Variants in MRTFB observed in about 807,000 individuals in gnomAD.
MRTFB encodes myocardin related transcription factor B.
MRTFB carries 29 observed loss-of-function variants against 104.2 expected under a neutral mutation model. The ratio of observed to expected loss-of-function variants is 0.28; its 90% CI spans 0.21 to 0.38. MRTFB has a LOEUF of 0.38. Among genes scored for constraint, MRTFB ranks in the 10% least tolerant of loss-of-function variants. MRTFB has a pLI of 1.00. For missense variants in MRTFB, 1,270 were observed against 1,341.6 expected, an observed-to-expected ratio of 0.95 and a Z score of 0.83; for synonymous variants, 535 against 519.5, an observed-to-expected ratio of 1.03 and a Z score of -0.41.
intron 4 of MRTFB, among the ~76,000 whole-genome samples, chr16:14,211,142 C>G (rs1205066797): frequency 6.6e-6 from 1 of 152,090 alleles, no homozygotes; most frequent in African/African-American, 2.4e-5. Context: ...AATGATTTTT[C>G]TCTTTAGTAG....
the MRTFB span, among the ~76,000 whole-genome samples, chr16:14,032,440 C>G: frequency 3.9e-5 from 6 of 152,216 alleles, no homozygotes; most frequent in Non-Finnish European, 8.8e-5. Flanking sequence ...CCATGCATCT[C>G]TTGCATTGAA....
the MRTFB span, among the ~76,000 whole-genome samples, chr16:14,010,579 G>A: frequency 6.6e-6 from 1 of 152,134 alleles, no homozygotes; most frequent in African/African-American, 2.4e-5. Flanking sequence ...GGGATTACAG[G>A]TGCGTGCCAC....
intron 3 of MRTFB, among the ~76,000 whole-genome samples, chr16:14,209,111 G>A (rs1029314061): frequency 2.0e-5 from 3 of 152,126 alleles, no homozygotes; most frequent in Admixed American, 6.5e-5. Flanking sequence ...TGCAGTCAGC[G>A]CAAGACCAAC....
At chr16:14,018,201 C>T in the MRTFB span, among the ~76,000 whole-genome samples, 1 of 152,136 alleles carries the variant, frequency 6.6e-6, no homozygotes, top group Non-Finnish European at 1.5e-5. Flanking sequence ...AGAATCCAAG[C>T]TCTGGAACTG....
chr16:14,079,724 G>A (rs2034280778), intron 2 of MRTFB, among the ~76,000 whole-genome samples: 1 of 151,456 alleles, frequency 6.6e-6, no homozygotes, highest in Non-Finnish European at 1.5e-5. Flanking sequence ...GCTACTTTTG[G>A]TGAGATACGA....
chr16:14,246,680 G>C lies in MRTFB; in HGVS notation c.1420G>C (p.Val474Leu). Residue 474 changes from valine (V) to leucine (L), a missense_variant, in exon 12 of 17, where the codon GTG becomes CTG. Physicochemically the swap from Val to Leu is conservative, Grantham distance 32. Coordinates refer to ENST00000571589, the MANE Select transcript of MRTFB (RefSeq NM_001308142.2). ...ALPVTTLHNT[V>L]TSSVSTLKAE... The stretch of plus-strand genomic sequence containing the variant: ...GCCGGTTACAACACTACACAACACT[G>C]TGACTAGCTCAGTCTCTACTCTCAA... The C allele has an allele frequency of 6.2e-7, 1 of 1,614,140 alleles. No homozygotes were observed.
intron 2 of MRTFB, among the ~76,000 whole-genome samples, chr16:14,095,650 A>G (rs1239782340): frequency 6.6e-6 from 1 of 152,232 alleles, no homozygotes; most frequent in Non-Finnish European, 1.5e-5. Context: ...TAAATACTGG[A>G]AATGAAATGG....
chr16:14,222,302 A>G (rs147857128), intron 8 of MRTFB, among the ~76,000 whole-genome samples: 125 of 152,272 alleles, frequency 8.2e-4, no homozygotes, highest in Non-Finnish European at 1.5e-3. Flanking sequence ...GTTTAATCCT[A>G]TGGCTTAAAA....
intron 3 of MRTFB, among the ~76,000 whole-genome samples, chr16:14,164,048 G>T (rs1356057686): frequency 1.3e-5 from 2 of 152,116 alleles, no homozygotes; most frequent in African/African-American, 2.4e-5. Context: ...ATTTCTATGT[G>T]TTGGGAACAT....
intron 2 of MRTFB, among the ~76,000 whole-genome samples, chr16:14,081,924 T>C (rs2034437812): frequency 6.6e-6 from 1 of 152,230 alleles, no homozygotes; most frequent in African/African-American, 2.4e-5. Context: ...TTGAGTTTCT[T>C]ACATATTTTG....
intron 3 of MRTFB, among the ~76,000 whole-genome samples, chr16:14,168,058 G>A (rs1567408457): frequency 6.6e-6 from 1 of 152,126 alleles, no homozygotes; most frequent in Non-Finnish European, 1.5e-5. Context: ...CATATGGCTA[G>A]CCAGTTCTCC....
chr16:14,112,813 C>T (rs1348436878), intron 2 of MRTFB, among the ~76,000 whole-genome samples: 2 of 152,166 alleles, frequency 1.3e-5, no homozygotes, highest in African/African-American at 2.4e-5. Context: ...TCACCTCCTT[C>T]TGGTCTGTGT....
the MRTFB span, among the ~76,000 whole-genome samples, chr16:14,045,193 T>C: frequency 1.3e-4 from 20 of 152,190 alleles, no homozygotes; most frequent in African/African-American, 4.8e-4. Context: ...AACTTCTGGA[T>C]GCAAAATTTG....
chr16:14,204,604 T>C (rs2040860173), intron 3 of MRTFB, among the ~76,000 whole-genome samples: 1 of 152,238 alleles, frequency 6.6e-6, no homozygotes, highest in South Asian at 2.1e-4. Flanking sequence ...TCTGTTGTGA[T>C]AAGGAATAAG....
the MRTFB span, among the ~76,000 whole-genome samples, chr16:14,046,933 A>G: frequency 1.3e-5 from 2 of 152,222 alleles, no homozygotes; most frequent in Non-Finnish European, 2.9e-5. Context: ...CAATCTGTCA[A>G]GGTGTTGTGA....
chr16:14,244,374 A>C (rs2042924363), intron 10 of MRTFB, among the ~76,000 whole-genome samples: 1 of 152,162 alleles, frequency 6.6e-6, no homozygotes, highest in African/African-American at 2.4e-5. Context: ...TGGCATACAT[A>C]CATGTGTCTT....
rs534675080 is a variant in MRTFB, at chr16:14,247,098, C to T, written c.1838C>T (p.Pro613Leu). Residue 613 changes from proline to leucine, a missense_variant, in exon 12 of 17, where the codon CCC becomes CTC. Coordinates refer to ENST00000571589, the MANE Select transcript of MRTFB (RefSeq NM_001308142.2). ...GAAAAACGAGGGCAGCAGCAGCGGCCCCTGGAAGCCCAGCCCAGTGCCCCA... is the reference window on the plus strand; with the variant it reads ...GAAAAACGAGGGCAGCAGCAGCGGCTCCTGGAAGCCCAGCCCAGTGCCCCA... The part of the protein sequence containing the change: ...EVEKRGQQQR[P>L]LEAQPSAPGH... The T allele has an allele frequency of 1.2e-6, 2 of 1,614,138 alleles. No homozygotes were observed. Among genetic ancestry groups the T allele is most frequent in the African/African-American group, 1.3e-5 (1 of 75,034 alleles).
chr16:14,245,986 G>A (rs1283198476), intron 11 of MRTFB, among the ~76,000 whole-genome samples: 1 of 152,012 alleles, frequency 6.6e-6, no homozygotes, highest in Non-Finnish European at 1.5e-5. Flanking sequence ...TGAGCTCTAG[G>A]GCCAGCCTTT....
chr16:14,161,030 G>A (rs2039012696), intron 3 of MRTFB, among the ~76,000 whole-genome samples: 1 of 131,644 alleles, frequency 7.6e-6, no homozygotes, highest in Non-Finnish European at 1.6e-5. Flanking sequence ...CATGTTTTTT[G>A]TTAGTTGAGT....
Sources: gnomAD v4.1 joint callset for allele counts (sites outside exome capture counted in the v4.1 genomes callset) on GRCh38, gnomAD v4.1.1 for gene constraint, MANE v1.5 for transcripts, NCBI Gene and HGNC (gene_info 2026-07-23, HGNC 2026-07-21) for gene names.